Variants in MYCBP2 observed in about 807,000 individuals in gnomAD.
MYCBP2 encodes the protein E3 ubiquitin-protein ligase MYCBP2.
A neutral mutation model predicts 525.3 loss-of-function variants in MYCBP2; 120 were observed. The ratio of observed to expected loss-of-function variants is 0.23; its 90% CI spans 0.20 to 0.27. The LOEUF is 0.27. MYCBP2 is among the 10% of genes least tolerant of loss of function. The probability of loss-of-function intolerance (pLI) is 1.00; values close to 1 mark genes in which losing one functional copy is unlikely to be tolerated. For missense variants in MYCBP2, 4,149 were observed against 5,657.1 expected (o/e 0.73, Z 8.55); for synonymous variants, 1,894 against 1,955.8 (o/e 0.97, Z 0.83).
intron 4 of MYCBP2, among the ~76,000 whole-genome samples, chr13:77,278,421 G>GA (rs1009239352): frequency 1.3e-5 from 2 of 152,064 alleles, no homozygotes; most frequent in Non-Finnish European, 2.9e-5. Context: ...GTGGAACACA[G>GA]AAAAAAATAC....
rs1408137563 is a variant in MYCBP2 at position 77,326,835 on chromosome 13, G to C, written c.-60C>G. 7 of 1,363,344 alleles carry C rather than the reference G, an allele frequency of 5.1e-6. No homozygotes were observed. The highest frequency in any genetic ancestry group is 6.6e-6 in the Non-Finnish European group (7 of 1,068,048). 84.5% of individuals were successfully genotyped at this position (1,363,344 alleles called of 1,614,324 possible). ...CCGCGGGCCGGGCGGGCAGACACGC[G>C]CGCGCACACACAGCCCTTTTCCAAC... On this transcript the variant is annotated 5_prime_UTR_variant, in exon 1 of 83. Transcript: ENST00000544440. This position sits in a 1 kb window ranked among gnomAD's most constrained non-coding sequence, Gnocchi z 4.2.
chr13:77,295,984 A>G (rs2154366096), intron 2 of MYCBP2, among the ~76,000 whole-genome samples: 1 of 152,330 alleles, frequency 6.6e-6, no homozygotes, highest in Non-Finnish European at 1.5e-5. Context: ...AATTTTACTC[A>G]AGTTTCTAGT....
intron 28 of MYCBP2, among the ~76,000 whole-genome samples, chr13:77,191,186 CA>C (rs974054371): frequency 7.9e-5 from 12 of 152,026 alleles, no homozygotes; most frequent in Admixed American, 7.9e-4. Context: ...GGCATCAAAT[CA>C]GATAAAATAT....
intron 40 of MYCBP2, among the ~76,000 whole-genome samples, chr13:77,166,997 A>T: frequency 6.6e-6 from 1 of 150,498 alleles, no homozygotes; most frequent in East Asian, 1.9e-4. Flanking sequence ...ACACACACAC[A>T]CACACACACA....
intron 62 of MYCBP2, among the ~76,000 whole-genome samples, chr13:77,083,968 CAAT>C (rs2043775279): frequency 6.6e-6 from 1 of 152,050 alleles, no homozygotes; most frequent in Non-Finnish European, 1.5e-5. Context: ...GTTCTTTTAA[CAAT>C]AATTTATCTT....
intron 29 of MYCBP2, among the ~76,000 whole-genome samples, chr13:77,189,999 A>C (rs2061143028): frequency 6.6e-6 from 1 of 152,142 alleles, no homozygotes; most frequent in African/African-American, 2.4e-5. Flanking sequence ...AAGTCAGTAA[A>C]ATATTGTTAT....
intron 73 of MYCBP2, among the ~76,000 whole-genome samples, chr13:77,063,211 C>T (rs960111730): frequency 6.6e-6 from 1 of 152,064 alleles, no homozygotes; most frequent in Admixed American, 6.6e-5. Flanking sequence ...TAATACTATA[C>T]TTGGTGCACT....
chr13:77,245,720 C>T (rs2069761246), intron 15 of MYCBP2, among the ~76,000 whole-genome samples: 1 of 147,790 alleles, frequency 6.8e-6, no homozygotes, highest in Non-Finnish European at 1.5e-5. Context: ...GCACGTTCTG[C>T]ACATGTATCC....
rs375003621 is a variant in MYCBP2, at chr13:77,071,271, G to GCGCA, written c.11824-561_11824-560insTGCG. Among the ~76,000 whole-genome samples, 180 of 142,736 alleles carry GCGCA rather than the reference G, an allele frequency of 1.3e-3. 4 individuals carry two copies. The highest frequency in any genetic ancestry group is 3.9e-3 in the African/African-American group (143 of 36,848). The allele number at this position is 142,736 out of a possible 152,430, so 93.6% of individuals were successfully genotyped here. A position where few individuals can be genotyped will look rare whatever the true frequency, so the allele number is the denominator to read the frequency against. On this transcript the variant is annotated intron_variant, in intron 68 of 82. Coordinates refer to ENST00000544440, the MANE Select transcript of MYCBP2 (RefSeq NM_015057.5). ...TATATGCATGCACGTGTGTGCACACGCACACACACACACACACACACACAC... is the reference window on the plus strand; with the variant it reads ...TATATGCATGCACGTGTGTGCACACGCGCACACACACACACACACACACACACAC...
chr13:77,300,777 A>G (rs1349072426), intron 1 of MYCBP2, among the ~76,000 whole-genome samples: 1 of 152,240 alleles, frequency 6.6e-6, no homozygotes, highest in Non-Finnish European at 1.5e-5. Context: ...GAGGCAGGCC[A>G]ATGCGCCTGC....
At chr13:77,158,829 T>C (rs2057530666) in intron 44 of MYCBP2, among the ~76,000 whole-genome samples, 2 of 152,170 alleles carry the variant, frequency 1.3e-5, no homozygotes, top group Admixed American at 1.3e-4. Flanking sequence ...CACCAAGGTC[T>C]TGACTTGGGT....
chr13:77,288,295 C>T lies in MYCBP2; in HGVS notation c.460G>A (p.Val154Ile). 6.2e-7 allele frequency: 1 copy of T among 1,614,152 alleles called. No homozygotes were observed. Among genetic ancestry groups the T allele is most frequent in the African/African-American group, 1.3e-5 (1 of 75,052 alleles). ...NPSAFNIYCN[V>I]RHCVLEWQKK... Reference sequence around the variant, plus strand: ...TGCCATTCCAGAACGCAATGGCGTACATTACAGTAAATATTGAAAGCAGAA... The same window carrying T: ...TGCCATTCCAGAACGCAATGGCGTATATTACAGTAAATATTGAAAGCAGAA... The change falls in exon 3 of 83, where the codon GTA (valine) becomes ATA (isoleucine). Residue 154 changes from valine (V) to isoleucine (I), a missense_variant. By Grantham distance (29) the Val-to-Ile change is conservative (BLOSUM62 3). This residue lies in a region of MYCBP2 where 413 missense variants were observed against 451.2 expected (regional missense o/e 0.92). Coordinates refer to ENST00000544440, the MANE Select transcript of MYCBP2 (RefSeq NM_015057.5).
chr13:77,267,936 C>G lies in MYCBP2; in HGVS notation c.1262G>C (p.Gly421Ala). The G allele has an allele frequency of 6.2e-7, 1 of 1,607,466 alleles. No individual in the cohort carries two copies. The highest frequency in any genetic ancestry group is 8.5e-7 in the Non-Finnish European group (1 of 1,177,112). Residue 421 changes from glycine to alanine, a missense_variant and splice_region_variant, in exon 8 of 83, where the codon GGT becomes GCT. By Grantham distance (60) the Gly-to-Ala change is moderately conservative. Transcript: ENST00000544440. ...ATTCACATCTCTATATAATAAATAACCCTGATAACAGCAAAAAATTTTCCT... is the reference window on the plus strand; with the variant it reads ...ATTCACATCTCTATATAATAAATAAGCCTGATAACAGCAAAAAATTTTCCT... ...EKKSWLGYAQ[G>A]YLLYRDVNNH... is the part of the protein sequence containing the mutation.
intron 49 of MYCBP2, 94 bp downstream of exon 49, chr13:77,144,351 C>G: frequency 1.2e-6 from 1 of 808,504 alleles, no homozygotes; most frequent in South Asian, 1.5e-5. Context: ...ATCCATATGT[C>G]TAGTGCAAGT....
intron 13 of MYCBP2, 149 bp from the exon 14 acceptor site, chr13:77,257,978 A>G: frequency 1.6e-6 from 1 of 608,432 alleles, no homozygotes; most frequent in South Asian, 2.5e-5. Flanking sequence ...GCAGAGTATC[A>G]CTGAATTAAC....
In MYCBP2 at chr13:77,205,407, A is replaced by G. The variant is rs538074425; in HGVS notation, c.3716-24T>C. Reference sequence around the variant, plus strand: ...ACCTAGAATATATAAATCATAATCTATGTTTTAAAAGATCCATATATATTT... The same window carrying G: ...ACCTAGAATATATAAATCATAATCTGTGTTTTAAAAGATCCATATATATTT... On this transcript the variant is annotated intron_variant, in intron 25 of 82. Coordinates refer to ENST00000544440, the MANE Select transcript of MYCBP2 (RefSeq NM_015057.5). 299 of 1,611,980 alleles carry G rather than the reference A, an allele frequency of 1.9e-4. 3 individuals are homozygous for G. The South Asian group carries it at 3.2e-3, about 17-fold the overall frequency.
chr13:77,064,794 C>T, intron 72 of MYCBP2, 60 bp from the exon 73 acceptor site: 2 of 1,431,218 alleles, frequency 1.4e-6, no homozygotes, highest in Non-Finnish European at 1.9e-6. Context: ...ATAGTAAACT[C>T]TTTTTTCTTA....
intron 46 of MYCBP2, among the ~76,000 whole-genome samples, chr13:77,153,064 C>CAA (rs34811244): frequency 1.4e-3 from 114 of 78,816 alleles, no homozygotes; most frequent in Middle Eastern, 5.7e-3. Context: ...GACTCTGTCT[C>CAA]AAAAAAAAAA....
At chr13:77,140,819 C>T (rs763298953) in intron 50 of MYCBP2, 27 bp downstream of exon 50, 1 of 1,526,588 alleles carries the variant, frequency 6.6e-7, no homozygotes, top group East Asian at 2.3e-5. Flanking sequence ...TTGAATGATT[C>T]CGGCTCTCAA....
Sources: gnomAD v4.1 joint callset for allele counts (sites outside exome capture counted in the v4.1 genomes callset) on GRCh38, gnomAD v4.1.1 for gene constraint, gnomAD v4.1.1 regional missense constraint, Gnocchi (gnomAD v3.1) non-coding constraint, MANE v1.5 for transcripts, NCBI Gene and HGNC (gene_info 2026-07-23, HGNC 2026-07-21) for gene names.